The following TLE7 variants were observed in gnomAD, a reference collection of about 807,000 sequenced individuals.
TLE7 encodes TLE family member 7, also known as transducin-like enhancer protein 7.
At chr16:71,441,664 C>G (rs915590443) in intron 1 of TLE7, among the ~76,000 whole-genome samples, 23 of 152,204 alleles carry the variant, frequency 1.5e-4, no homozygotes, top group African/African-American at 5.5e-4. Flanking sequence ...AGCAAGGACT[C>G]CTCGTGGCTT....
At chr16:71,437,350 GAAA>G (rs57942255) in intron 1 of TLE7, among the ~76,000 whole-genome samples, 9 of 89,664 alleles carry the variant, frequency 1.0e-4, no homozygotes, top group South Asian at 5.1e-4. Flanking sequence ...CTCTGTCTCA[GAAA>G]AAAAAAAAAA....
chr16:71,440,045 CACT>C (rs929913825), intron 1 of TLE7, among the ~76,000 whole-genome samples: 1 of 152,234 alleles, frequency 6.6e-6, no homozygotes, highest in Non-Finnish European at 1.5e-5. Context: ...CTGTGATACA[CACT>C]ACCACATGGG....
chr16:71,439,572 G>T (rs947477789), intron 1 of TLE7, among the ~76,000 whole-genome samples: 1 of 151,786 alleles, frequency 6.6e-6, no homozygotes, highest in African/African-American at 2.4e-5. Flanking sequence ...AGAATGGGGG[G>T]AAGGGACAAG....
Position 71,430,225 on chromosome 16 carries a change from A to G in TLE7, c.*37T>C. On this transcript the variant is annotated 3_prime_UTR_variant, in exon 10 of 10. Transcript: ENST00000561754. ...TCCTCACAGCCACACCAGCCCAAAG[A>G]CTGGGTCTTCACTGGCAGGACCATG... The G allele has an allele frequency of 2.5e-6, 1 of 398,646 alleles. No homozygotes were observed. The highest frequency in any genetic ancestry group is 4.4e-6 in the Non-Finnish European group (1 of 226,110). The allele number at this position is 398,646 out of a possible 1,614,324, so 24.7% of individuals were successfully genotyped here.
At chr16:71,438,850 C>A (rs1295603601) in intron 1 of TLE7, among the ~76,000 whole-genome samples, 1 of 152,148 alleles carries the variant, frequency 6.6e-6, no homozygotes, top group Admixed American at 6.5e-5. Context: ...GATAGAGGGA[C>A]CCAGCTTGAG....
chr16:71,432,989 T>C (rs910994973), intron 2 of TLE7, 25 bp downstream of exon 2: 3 of 398,870 alleles, frequency 7.5e-6, no homozygotes, highest in Admixed American at 4.4e-5. Flanking sequence ...CCACCCCCAC[T>C]GAGTCAGGTT....
chr16:71,435,923 G>C (rs1166544988), intron 1 of TLE7, among the ~76,000 whole-genome samples: 1 of 152,216 alleles, frequency 6.6e-6, no homozygotes, highest in African/African-American at 2.4e-5. Context: ...TTTAAAAGCA[G>C]TGAAACTATT....
rs1036761691 is a variant in TLE7, at chr16:71,432,525, C to A, written c.393+140G>T. Reference sequence around the variant, plus strand: ...GACCCTACTTCTCAGGATGGGGGAACAGGGAACATAGCTCAAAAGGAGCAG... The same window carrying A: ...GACCCTACTTCTCAGGATGGGGGAAAAGGGAACATAGCTCAAAAGGAGCAG... On this transcript the variant is annotated intron_variant, in intron 4 of 9. Transcript: ENST00000561754. The A allele has an allele frequency of 2.3e-5, 9 of 397,718 alleles. No individual in the cohort carries two copies. In the Admixed American group the frequency reaches 3.1e-4, roughly 14 times the overall value. The allele number at this position is 397,718 out of a possible 1,614,324, so 24.6% of individuals were successfully genotyped here. A position where few individuals can be genotyped will look rare whatever the true frequency, so the allele number is the denominator to read the frequency against.
At chr16:71,439,205 G>A (rs1282860759) in intron 1 of TLE7, among the ~76,000 whole-genome samples, 2 of 152,186 alleles carry the variant, frequency 1.3e-5, no homozygotes, top group Non-Finnish European at 2.9e-5. Flanking sequence ...GAGGAGGGCT[G>A]TAAAGGGGTG....
rs569440062 is a variant in TLE7, at chr16:71,437,466, A to AGAG, written c.-96-4049_-96-4047dup. On this transcript the variant is annotated intron_variant, in intron 1 of 9. Coordinates refer to ENST00000561754, the MANE Select transcript of TLE7 (RefSeq NM_001367365.2). ...AGGAAGAAAGGAAAGAGAAGGGAGA[A>AGAG]GAGAAGAGAAGAGAAGAGAAAGAAA... 1.1e-3 allele frequency among the ~76,000 whole-genome samples: 119 copies of AGAG among 110,946 alleles called. 2 individuals are homozygous for AGAG. The highest frequency in any genetic ancestry group is 3.8e-3 in the Middle Eastern group (1 of 260). 72.8% of individuals were successfully genotyped at this position (110,946 alleles called of 152,430 possible).
At chr16:71,437,615 C>T (rs2042831628) in intron 1 of TLE7, among the ~76,000 whole-genome samples, 1 of 151,652 alleles carries the variant, frequency 6.6e-6, no homozygotes, top group Non-Finnish European at 1.5e-5. Flanking sequence ...CTGGGGGAAC[C>T]CTTCGGTCTG....
chr16:71,432,391 G>A (rs9927810), intron 4 of TLE7, 66 bp from the exon 5 acceptor site: 5,488 of 397,996 alleles, frequency 0.014, 253 homozygotes, highest in African/African-American at 0.1. Context: ...AGTCCACCCC[G>A]TCTTCCAGCT....
chr16:71,435,043 A>G (rs2042820943), intron 1 of TLE7, among the ~76,000 whole-genome samples: 1 of 152,224 alleles, frequency 6.6e-6, no homozygotes, highest in Admixed American at 6.5e-5. Flanking sequence ...GCCAATGCCC[A>G]AATGGCCATG....
intron 1 of TLE7, among the ~76,000 whole-genome samples, chr16:71,441,661 A>G (rs1287815949): frequency 2.6e-5 from 4 of 151,770 alleles, no homozygotes; most frequent in Admixed American, 2.6e-4. Flanking sequence ...GGCAGCAAGG[A>G]CTCCTCGTGG....
chr16:71,439,055 G>T (rs2042837739), intron 1 of TLE7, among the ~76,000 whole-genome samples: 1 of 152,146 alleles, frequency 6.6e-6, no homozygotes, highest in Non-Finnish European at 1.5e-5. Flanking sequence ...CAGTCTTACT[G>T]ACCCCCGCTG....
In TLE7 at chr16:71,432,911, G is replaced by A. The variant is rs560334197; in HGVS notation, c.312-19C>T. ...TAGGAAGCTACAACACATGGAGAGA[G>A]GGAGGGAGGAGACAGAGTGTGAGCC... On this transcript the variant is annotated intron_variant, in intron 2 of 9. Transcript: ENST00000561754. 3.3e-5 allele frequency: 13 copies of A among 398,908 alleles called. No homozygotes were observed. The highest frequency in any genetic ancestry group is 4.9e-5 in the Non-Finnish European group (11 of 226,428). 24.7% of individuals were successfully genotyped at this position (398,908 alleles called of 1,614,324 possible).
At chr16:71,437,704 T>C (rs569198398) in intron 1 of TLE7, among the ~76,000 whole-genome samples, 3 of 152,320 alleles carry the variant, frequency 2.0e-5, no homozygotes, top group Admixed American at 6.5e-5. Flanking sequence ...TTTGCCTCCA[T>C]TCCCTGATCA....
intron 1 of TLE7, among the ~76,000 whole-genome samples, chr16:71,436,033 C>A (rs1326809247): frequency 6.6e-6 from 1 of 152,140 alleles, no homozygotes; most frequent in East Asian, 1.9e-4. Context: ...TCACCGATTC[C>A]CTTCTCTTCT....
intron 1 of TLE7, among the ~76,000 whole-genome samples, 159 bp downstream of exon 1, chr16:71,441,810 G>C (rs1195958624): frequency 1.3e-5 from 2 of 152,202 alleles, no homozygotes; most frequent in Non-Finnish European, 2.9e-5. Context: ...ACAGGCCCTC[G>C]GGCGCTCACG....
Sources: gnomAD v4.1 joint callset for allele counts (sites outside exome capture counted in the v4.1 genomes callset) on GRCh38, gnomAD v4.1.1 for gene constraint, MANE v1.5 for transcripts, NCBI Gene and HGNC (gene_info 2026-07-23, HGNC 2026-07-21) for gene names.